The following CHMP2B variants were observed in gnomAD, a reference collection of about 807,000 sequenced individuals.
The protein encoded by CHMP2B is VPS2 homolog B.
A neutral mutation model predicts 29.8 loss-of-function variants in CHMP2B; 22 were observed. The observed-to-expected ratio is 0.74, with a 90% CI of 0.53 to 1.05. The LOEUF is 1.05. Among genes scored for constraint, CHMP2B ranks in the 50% least tolerant of loss-of-function variants. The pLI, the probability that CHMP2B is intolerant of heterozygous loss-of-function variation, is 0.00. For synonymous variants in CHMP2B, 78 were observed against 75.8 expected, an observed-to-expected ratio of 1.03 and a Z score of -0.15; for missense variants, 261 against 252.2, an observed-to-expected ratio of 1.03 and a Z score of -0.24.
intron 1 of CHMP2B, among the ~76,000 whole-genome samples, chr3:87,232,962 C>T (rs1705934607): frequency 6.6e-6 from 1 of 152,122 alleles, no homozygotes; most frequent in Non-Finnish European, 1.5e-5. Flanking sequence ...GCTTGAGTGA[C>T]TTTTGAGAGT....
At chr3:87,240,848 G>A in intron 2 of CHMP2B, 58 bp downstream of exon 2, 1 of 1,282,538 alleles carries the variant, frequency 7.8e-7, no homozygotes, top group East Asian at 2.3e-5. Context: ...AATTACTGTA[G>A]GAATAATTAG....
At chr3:87,227,672 C>T in intron 1 of CHMP2B, 116 bp downstream of exon 1, 1 of 1,310,452 alleles carries the variant, frequency 7.6e-7, no homozygotes, top group Non-Finnish European at 1.1e-6. Flanking sequence ...TCAAGTGGTC[C>T]CACAGGTGAC....
intron 3 of CHMP2B, 95 bp downstream of exon 3, chr3:87,246,003 A>G: frequency 8.5e-6 from 8 of 944,268 alleles, no homozygotes; most frequent in Non-Finnish European, 1.3e-5. Context: ...CTCCTGGTGT[A>G]TATGTGATAC....
chr3:87,253,184 A>G (rs1326093079), intron 4 of CHMP2B: 8 of 467,034 alleles, frequency 1.7e-5, no homozygotes, highest in African/African-American at 4.0e-5. Context: ...CTTGTTTGCT[A>G]TAAGATAATT....
chr3:87,239,088 T>A (rs1029137612), intron 1 of CHMP2B, among the ~76,000 whole-genome samples: 3 of 152,182 alleles, frequency 2.0e-5, no homozygotes, highest in Admixed American at 6.5e-5. Flanking sequence ...AAACGTCTGT[T>A]CAAGCCTTTA....
At position 87,241,445 on chromosome 3, in the gene CHMP2B, GAAATCCCTCCTA is replaced by G. The variant is rs754709535; in HGVS notation, c.126+656_126+667del. 2.0e-4 allele frequency among the ~76,000 whole-genome samples: 30 copies of G among 152,174 alleles called. No individual in the cohort carries two copies. The South Asian group carries it at 3.9e-3, about 20-fold the overall frequency. On this transcript the variant is annotated intron_variant, in intron 2 of 5. Transcript: ENST00000263780. ...CCCTAAAAGTTTCCTTATGCCCCTGGAAATCCCTCCTACGCATCCCTGCCTGTCTCCCTTTTT... is the reference window on the plus strand; with the variant it reads ...CCCTAAAAGTTTCCTTATGCCCCTGGCGCATCCCTGCCTGTCTCCCTTTTT...
intron 3 of CHMP2B, among the ~76,000 whole-genome samples, chr3:87,246,476 T>G (rs1706216198): frequency 1.3e-5 from 2 of 152,158 alleles, no homozygotes; most frequent in Non-Finnish European, 2.9e-5. Flanking sequence ...AGCTTCTAAT[T>G]TTATGAAATT....
chr3:87,235,917 C>G (rs891947365), intron 1 of CHMP2B, among the ~76,000 whole-genome samples: 2 of 152,182 alleles, frequency 1.3e-5, no homozygotes, highest in African/African-American at 2.4e-5. Context: ...TGATAATTCA[C>G]TAGGACAACT....
rs1471507645 is a variant in CHMP2B at position 87,254,904 on chromosome 3, A to G, written c.*1082A>G. The G allele has an allele frequency of 6.6e-6, 1 of 152,018 alleles. No individual in the cohort carries two copies. Among genetic ancestry groups the G allele is most frequent in the Non-Finnish European group, 1.5e-5 (1 of 67,928 alleles). 9.4% of individuals were successfully genotyped at this position (152,018 alleles called of 1,614,324 possible). ...ATTCACATTTTTTGATAAATAAACT[A>G]CAGTTTTACCAGAAATTACTATCTA... On this transcript the variant is annotated 3_prime_UTR_variant, in exon 6 of 6. Coordinates refer to ENST00000263780, the MANE Select transcript of CHMP2B (RefSeq NM_014043.4).
At chr3:87,229,846 C>T (rs761982030) in intron 1 of CHMP2B, among the ~76,000 whole-genome samples, 11 of 152,020 alleles carry the variant, frequency 7.2e-5, no homozygotes, top group Non-Finnish European at 1.2e-4. Context: ...AAGACTACTG[C>T]ACATGTAAAT....
chr3:87,249,823 TA>T, intron 3 of CHMP2B, 51 bp from the exon 4 acceptor site: 1 of 1,140,432 alleles, frequency 8.8e-7, no homozygotes, highest in Non-Finnish European at 1.3e-6. Flanking sequence ...TATTTCATAG[TA>T]AAATTTTCAT....
chr3:87,234,855 A>T lies in CHMP2B; in HGVS notation c.35-5844A>T, dbSNP rs1705972096. On this transcript the variant is annotated intron_variant, in intron 1 of 5. Coordinates refer to ENST00000263780, the MANE Select transcript of CHMP2B (RefSeq NM_014043.4). ...CTTGCCTCACATTGAAAAATCGGGG[A>T]AGTAGAAAGTTATAAGGAAAACAGC... Among the ~76,000 whole-genome samples, 4 of 152,182 alleles carry T rather than the reference A, an allele frequency of 2.6e-5. No homozygotes were observed. The South Asian group carries it at 8.3e-4, about 32-fold the overall frequency.
intron 1 of CHMP2B, among the ~76,000 whole-genome samples, chr3:87,233,359 A>T (rs1396254285): frequency 6.6e-6 from 1 of 152,290 alleles, no homozygotes; most frequent in East Asian, 1.9e-4. Flanking sequence ...GCATTTGAGT[A>T]AATCTTGTTC....
rs75462010 is a variant in CHMP2B, at chr3:87,247,125, C to T, written c.321+1217C>T. ...TCATAGTAGTTATGTCCCATGAAGT[C>T]GGGAACACTGAAATAGTGCATATTG... is the stretch of plus-strand genomic sequence containing the variant. On this transcript the variant is annotated intron_variant, in intron 3 of 5. Transcript: ENST00000263780. Among the ~76,000 whole-genome samples the T allele has an allele frequency of 6.5e-3, 994 of 152,246 alleles. 10 individuals carry two copies. The highest frequency in any genetic ancestry group is 0.023 in the African/African-American group (938 of 41,548).
At chr3:87,247,351 T>C (rs1706232997) in intron 3 of CHMP2B, among the ~76,000 whole-genome samples, 1 of 152,330 alleles carries the variant, frequency 6.6e-6, no homozygotes, top group South Asian at 2.1e-4. Flanking sequence ...ATCTAACGTG[T>C]ATTTTCTCCA....
At chr3:87,249,314 G>A (rs1211726776) in intron 3 of CHMP2B, among the ~76,000 whole-genome samples, 3 of 152,076 alleles carry the variant, frequency 2.0e-5, no homozygotes, top group East Asian at 1.9e-4. Context: ...AATTTTGGTG[G>A]TACTAGAGAA....
At chr3:87,232,044 A>G (rs1021154383) in intron 1 of CHMP2B, among the ~76,000 whole-genome samples, 7 of 152,206 alleles carry the variant, frequency 4.6e-5, no homozygotes, top group African/African-American at 1.4e-4. Context: ...ATCTAAAATA[A>G]TATCATTTAC....
At chr3:87,237,742 T>A (rs1192302473) in intron 1 of CHMP2B, among the ~76,000 whole-genome samples, 1 of 152,174 alleles carries the variant, frequency 6.6e-6, no homozygotes, top group Non-Finnish European at 1.5e-5. Context: ...AAGAAATGTG[T>A]TTAATTTTTT....
Position 87,240,398 on chromosome 3 carries a change from C to T in CHMP2B, c.35-301C>T, listed in dbSNP as rs1326866404. 4 of 274,792 alleles carry T rather than the reference C, an allele frequency of 1.5e-5. No individual in the cohort carries two copies. In the Admixed American group the frequency reaches 1.8e-4, roughly 12 times the overall value. The allele number at this position is 274,792 out of a possible 1,614,324, so 17.0% of individuals were successfully genotyped here. Reference sequence around the variant, plus strand: ...TGATCTCGGCTCAACGCAACCATCACCTCCCAGATTCAAGCGATTCTTCTA... The same window carrying T: ...TGATCTCGGCTCAACGCAACCATCATCTCCCAGATTCAAGCGATTCTTCTA... On this transcript the variant is annotated intron_variant, in intron 1 of 5. Coordinates refer to ENST00000263780, the MANE Select transcript of CHMP2B (RefSeq NM_014043.4).
Sources: allele counts gnomAD v4.1 joint callset (sites outside exome capture counted in the v4.1 genomes callset), GRCh38; gene constraint gnomAD v4.1.1; transcripts MANE v1.5; gene names NCBI Gene and HGNC (gene_info 2026-07-23, HGNC 2026-07-21).